The following SLC39A8 variants were observed in gnomAD, a reference collection of about 807,000 sequenced individuals.
SLC39A8 encodes metal cation symporter ZIP8.
SLC39A8 carries 15 observed loss-of-function variants against 40.4 expected under a neutral mutation model. The ratio of observed to expected loss-of-function variants is 0.37; its 90% confidence interval spans 0.25 to 0.57. The LOEUF is 0.57. Ranked by LOEUF, SLC39A8 falls within the 20% of genes least tolerant of loss-of-function variation. The probability of loss-of-function intolerance (pLI) is 0.75; values close to 1 mark genes in which losing one functional copy is unlikely to be tolerated. For missense variants in SLC39A8, 472 were observed against 558.8 expected (o/e 0.84, Z 1.57); for synonymous variants, 223 against 221.6 (o/e 1.01, Z -0.06).
At chr4:102,265,364 C>T (rs1336619454) in intron 8 of SLC39A8, among the ~76,000 whole-genome samples, 2 of 152,142 alleles carry the variant, frequency 1.3e-5, no homozygotes, top group Non-Finnish European at 2.9e-5. Flanking sequence ...CAATTAAGTT[C>T]ACCATTTTAT....
chr4:102,277,813 G>A (rs1732690062), intron 6 of SLC39A8, among the ~76,000 whole-genome samples: 1 of 152,046 alleles, frequency 6.6e-6, no homozygotes, highest in Non-Finnish European at 1.5e-5. Flanking sequence ...ATAGAACAGA[G>A]GCCTCAGAAA....
At chr4:102,340,116 A>T (rs1421968545) in intron 2 of SLC39A8, among the ~76,000 whole-genome samples, 1 of 152,182 alleles carries the variant, frequency 6.6e-6, no homozygotes, top group Non-Finnish European at 1.5e-5. Context: ...GTGAGGACTC[A>T]AATTATCAAA....
Position 102,344,510 on chromosome 4 carries a change from C to T in SLC39A8, c.153G>A (p.Leu51=). The change falls in exon 2 of 9, where the codon TTG becomes TTA. Residue 51 remains leucine (L), a synonymous_variant. Coordinates refer to ENST00000356736, the MANE Select transcript of SLC39A8 (RefSeq NM_001135146.2). ...LSLSAAQLQH[L]LEQMGAASRV... Reference sequence around the variant, plus strand: ...GGGAGGCGGCTCCCATCTGCTCCAGCAAGTGCTGGAGCTGCGCCGCCGACA... The same window carrying T: ...GGGAGGCGGCTCCCATCTGCTCCAGTAAGTGCTGGAGCTGCGCCGCCGACA... The T allele has an allele frequency of 6.4e-7, 1 of 1,558,916 alleles. No individual in the cohort carries two copies. The highest frequency in any genetic ancestry group is 2.4e-5 in the East Asian group (1 of 41,418).
intron 6 of SLC39A8, among the ~76,000 whole-genome samples, chr4:102,299,954 C>G (rs940190687): frequency 6.6e-6 from 1 of 152,042 alleles, no homozygotes; most frequent in African/African-American, 2.4e-5. Context: ...TGAAATGACT[C>G]CACACTTGGC....
Position 102,344,463 on chromosome 4 carries a change from C to T in SLC39A8, c.200G>A (p.Gly67Asp). 6.5e-7 allele frequency: 1 copy of T among 1,542,076 alleles called. No individual in the cohort carries two copies. Among genetic ancestry groups the T allele is most frequent in the Non-Finnish European group, 8.7e-7 (1 of 1,143,314 alleles). Residue 67 changes from glycine to aspartate, a missense_variant, in exon 2 of 9, where the codon GGC becomes GAC. Transcript: ENST00000356736. ...AASRVGVPEP[G>D]QLHFNQCLTA... ...CCTTACCTGGTTGAAGTGCAGCTGG[C>T]CAGGCTCCGGGACGCCCACGCGGGA...
At chr4:102,311,355 C>T (rs1734417967) in intron 3 of SLC39A8, among the ~76,000 whole-genome samples, 1 of 152,038 alleles carries the variant, frequency 6.6e-6, no homozygotes, top group East Asian at 1.9e-4. Context: ...AGTAAGTAGA[C>T]CATGATATAA....
chr4:102,338,057 A>G (rs1735753316), intron 2 of SLC39A8, among the ~76,000 whole-genome samples: 1 of 152,094 alleles, frequency 6.6e-6, no homozygotes, highest in African/African-American at 2.4e-5. Context: ...TTTCTAAACT[A>G]GTAGCAGATG....
intron 2 of SLC39A8, among the ~76,000 whole-genome samples, chr4:102,316,491 A>G (rs1038798015): frequency 1.3e-5 from 2 of 152,218 alleles, no homozygotes; most frequent in African/African-American, 2.4e-5. Flanking sequence ...AATCTACATT[A>G]GGAAAAAAAC....
chr4:102,268,681 A>G (rs1320136504), intron 6 of SLC39A8, among the ~76,000 whole-genome samples: 2 of 152,212 alleles, frequency 1.3e-5, no homozygotes, highest in African/African-American at 4.8e-5. Flanking sequence ...TTTAGGCTGT[A>G]ACAATATGGT....
intron 2 of SLC39A8, among the ~76,000 whole-genome samples, chr4:102,340,372 G>A (rs1735890542): frequency 6.6e-6 from 1 of 152,114 alleles, no homozygotes; most frequent in South Asian, 2.1e-4. Flanking sequence ...AATTGCACAA[G>A]CACCAAGAAA....
chr4:102,298,804 A>G lies in SLC39A8; in HGVS notation c.840+5513T>C, dbSNP rs529945464. Among the ~76,000 whole-genome samples the G allele has an allele frequency of 8.1e-4, 124 of 152,158 alleles. 1 individual carries two copies. The South Asian group carries it at 0.025, about 31-fold the overall frequency. On this transcript the variant is annotated intron_variant, in intron 6 of 8. Coordinates refer to ENST00000356736, the MANE Select transcript of SLC39A8 (RefSeq NM_001135146.2). Reference sequence around the variant, plus strand: ...CTGACTGACTTCACAAAGAAAGTCAACAAGAAGCAAAGTGATGCAGGACCC... The same window carrying G: ...CTGACTGACTTCACAAAGAAAGTCAGCAAGAAGCAAAGTGATGCAGGACCC...
At chr4:102,341,261 A>G (rs760033849) in intron 2 of SLC39A8, among the ~76,000 whole-genome samples, 3 of 152,236 alleles carry the variant, frequency 2.0e-5, no homozygotes, top group African/African-American at 4.8e-5. Context: ...TTCTGAATGG[A>G]GGCATTTCCA....
chr4:102,274,885 T>C (rs779784263), intron 6 of SLC39A8, among the ~76,000 whole-genome samples: 3 of 152,204 alleles, frequency 2.0e-5, no homozygotes, highest in Non-Finnish European at 2.9e-5. Flanking sequence ...CAAAATCCTT[T>C]ACAGACAATC....
At chr4:102,324,371 G>A (rs758964037) in intron 2 of SLC39A8, 2 of 156,114 alleles carry the variant, frequency 1.3e-5, no homozygotes, top group Non-Finnish European at 2.9e-5. Flanking sequence ...CTCCAGCCTG[G>A]TGACAAACCA....
intron 6 of SLC39A8, among the ~76,000 whole-genome samples, chr4:102,277,892 T>A (rs1478259698): frequency 6.6e-6 from 1 of 152,170 alleles, no homozygotes; most frequent in African/African-American, 2.4e-5. Flanking sequence ...GGGAAAGAAT[T>A]CCCTATTTAA....
chr4:102,311,409 C>T (rs1054000861), intron 3 of SLC39A8, among the ~76,000 whole-genome samples: 1 of 151,978 alleles, frequency 6.6e-6, no homozygotes, highest in African/African-American at 2.4e-5. Context: ...AAAAGAAGAA[C>T]AAACTAAGAA....
intron 2 of SLC39A8, among the ~76,000 whole-genome samples, chr4:102,327,285 G>A (rs887800130): frequency 4.6e-5 from 7 of 152,060 alleles, no homozygotes; most frequent in South Asian, 2.1e-4. Flanking sequence ...CATTTATGCC[G>A]AGAGTCTAAA....
intron 2 of SLC39A8, among the ~76,000 whole-genome samples, chr4:102,319,090 A>T (rs915299362): frequency 1.3e-5 from 2 of 152,232 alleles, no homozygotes; most frequent in East Asian, 3.9e-4. Context: ...GGCTAGGTAT[A>T]TATTACAAAA....
chr4:102,315,994 C>T (rs1346173046), intron 2 of SLC39A8, among the ~76,000 whole-genome samples, 164 bp from the exon 3 acceptor site: 5 of 151,306 alleles, frequency 3.3e-5, no homozygotes, highest in African/African-American at 1.2e-4. Flanking sequence ...AAACAGCCCA[C>T]ACCAGTTTAA....
Sources: allele counts gnomAD v4.1 joint callset (sites outside exome capture counted in the v4.1 genomes callset), GRCh38; gene constraint gnomAD v4.1.1; transcripts MANE v1.5; gene names NCBI Gene and HGNC (gene_info 2026-07-23, HGNC 2026-07-21).